Variants in MTFMT observed in about 807,000 individuals in gnomAD.
The protein encoded by MTFMT is methionyl-tRNA formyltransferase, mitochondrial.
Under a neutral mutation model 51.8 loss-of-function variants are expected in MTFMT, and 47 were observed. That is an observed-to-expected ratio of 0.91 (90% confidence interval 0.72 to 1.16). The LOEUF is 1.16. MTFMT is among the 50% of genes most tolerant of loss of function. The pLI, the probability that MTFMT is intolerant of heterozygous loss-of-function variation, is 0.00. For missense variants in MTFMT, 512 were observed against 482.3 expected (o/e 1.06, Z -0.58); for synonymous variants, 196 against 176.7 (o/e 1.11, Z -0.87).
chr15:65,007,584 G>A (rs2086229036), intron 6 of MTFMT, among the ~76,000 whole-genome samples: 1 of 152,028 alleles, frequency 6.6e-6, no homozygotes, highest in South Asian at 2.1e-4. Context: ...GGGGTTTTTT[G>A]TTTTTAAAGT....
rs2086181586 is a variant in MTFMT at position 65,002,170 on chromosome 15, GGGTGGATCACGAGGTCA to G, written c.*875_*891del. ...TCCCAGCACTTTGGGAGGCCAAGGCGGGTGGATCACGAGGTCAGGAGATCAAGACCATCCTGGCTAAC... is the reference window on the plus strand; with the variant it reads ...TCCCAGCACTTTGGGAGGCCAAGGCGGGAGATCAAGACCATCCTGGCTAAC... On this transcript the variant is annotated 3_prime_UTR_variant, in exon 9 of 9. Transcript: ENST00000220058. 1 of 151,972 alleles carries G rather than the reference GGGTGGATCACGAGGTCA, an allele frequency of 6.6e-6. No homozygotes were observed. The highest frequency in any genetic ancestry group is 2.4e-5 in the African/African-American group (1 of 41,374). The allele number at this position is 151,972 out of a possible 1,614,324, so 9.4% of individuals were successfully genotyped here. A position where few individuals can be genotyped will look rare whatever the true frequency, so the allele number is the denominator to read the frequency against.
At position 65,016,463 on chromosome 15, in the gene MTFMT, G is replaced by A. The variant is rs764304372; in HGVS notation, c.786C>T (p.Phe262=). The change falls in exon 6 of 9, where the codon TTC becomes TTT. Residue 262 remains phenylalanine, a synonymous_variant. Coordinates refer to ENST00000220058, the MANE Select transcript of MTFMT (RefSeq NM_139242.4). The part of the protein sequence containing the change: ...KWEEQTSEQI[F]RLYRAIGNII... ...TATTTCCAATGGCACGGTAAAGTCTGAATATTTGTTCTGAAGTTTGTTCCT... is the reference window on the plus strand; with the variant it reads ...TATTTCCAATGGCACGGTAAAGTCTAAATATTTGTTCTGAAGTTTGTTCCT... 6.2e-7 allele frequency: 1 copy of A among 1,611,564 alleles called. No homozygotes were observed. The highest frequency in any genetic ancestry group is 2.2e-5 in the East Asian group (1 of 44,726).
intron 6 of MTFMT, among the ~76,000 whole-genome samples, chr15:65,008,303 T>C (rs1255233275): frequency 6.6e-6 from 1 of 152,204 alleles, no homozygotes; most frequent in Non-Finnish European, 1.5e-5. Flanking sequence ...AGATAATCCA[T>C]CTTACCCTTC....
At chr15:65,014,400 C>G (rs899580189) in intron 6 of MTFMT, among the ~76,000 whole-genome samples, 12 of 146,590 alleles carry the variant, frequency 8.2e-5, no homozygotes, top group Admixed American at 2.1e-4. Flanking sequence ...CTCGGCTCAT[C>G]ATAACCTCCA....
chr15:65,026,363 TCGA>T (rs1192148203), intron 2 of MTFMT: 7 of 212,948 alleles, frequency 3.3e-5, no homozygotes, highest in Non-Finnish European at 7.1e-5. Context: ...AAATTTTCCT[TCGA>T]ATACAGGTGA....
intron 6 of MTFMT, among the ~76,000 whole-genome samples, chr15:65,008,714 T>G (rs2086238866): frequency 6.6e-6 from 1 of 152,258 alleles, no homozygotes; most frequent in Non-Finnish European, 1.5e-5. Context: ...CATAACTGTA[T>G]CTATGTCATA....
chr15:65,028,908 G>A (rs138756353), intron 1 of MTFMT, among the ~76,000 whole-genome samples: 1 of 152,120 alleles, frequency 6.6e-6, no homozygotes, highest in African/African-American at 2.4e-5. Context: ...TGTATACAAG[G>A]AGCACAGGGG....
At chr15:65,023,920 TCTAAGTC>T (rs2086397642) in intron 2 of MTFMT, 126 bp from the exon 3 acceptor site, 1 of 819,694 alleles carries the variant, frequency 1.2e-6, no homozygotes, top group African/African-American at 1.7e-5. Context: ...GACAGTTAAA[TCTAAGTC>T]TCGTATCACC....
At chr15:65,022,295 T>G (rs2086380425) in intron 3 of MTFMT, among the ~76,000 whole-genome samples, 1 of 151,868 alleles carries the variant, frequency 6.6e-6, no homozygotes, top group South Asian at 2.1e-4. Context: ...CTACTAAAAA[T>G]ACAAAAAATT....
chr15:65,008,794 T>C (rs902824135), intron 6 of MTFMT, among the ~76,000 whole-genome samples: 11 of 152,232 alleles, frequency 7.2e-5, no homozygotes, highest in Non-Finnish European at 8.8e-5. Context: ...ACGATTTTCA[T>C]ATGTGCAATT....
chr15:65,022,023 G>A (rs1039827092), intron 3 of MTFMT, among the ~76,000 whole-genome samples: 24 of 152,120 alleles, frequency 1.6e-4, no homozygotes, highest in African/African-American at 5.3e-4. Flanking sequence ...ATTAGTAATA[G>A]CATGAAAAAA....
chr15:65,019,407 A>C (rs2086351612), intron 5 of MTFMT, among the ~76,000 whole-genome samples: 1 of 152,204 alleles, frequency 6.6e-6, no homozygotes. Context: ...ATTAAAAACA[A>C]ACTGAAACAA....
chr15:65,020,189 T>C lies in MTFMT; in HGVS notation c.721+8A>G, dbSNP rs1681013144. 3.1e-6 allele frequency: 5 copies of C among 1,610,464 alleles called. No homozygotes were observed. Among genetic ancestry groups the C allele is most frequent in the Non-Finnish European group, 4.2e-6 (5 of 1,178,702 alleles). ...AGAAAGATGAGAGTCTCTGCAGCCT[T>C]CACTCACCGTAAGTCGCCCCCTCCA... On this transcript the variant is annotated splice_region_variant and intron_variant, in intron 5 of 8. Transcript: ENST00000220058.
rs753203248 is a variant in MTFMT at position 65,016,477 on chromosome 15, A to T, written c.772T>A (p.Ser258Thr). The change falls in exon 6 of 9, where the codon TCA (serine) becomes ACA (threonine). Residue 258 changes from serine to threonine, a missense_variant. Coordinates refer to ENST00000220058, the MANE Select transcript of MTFMT (RefSeq NM_139242.4). Reference protein sequence around the residue: ...TSCIKWEEQTSEQIFRLYRAI... With the variant: ...TSCIKWEEQTTEQIFRLYRAI... ...CGGTAAAGTCTGAATATTTGTTCTG[A>T]AGTTTGTTCCTCCCATTTTATACAA... 1.1e-5 allele frequency: 18 copies of T among 1,612,558 alleles called. No homozygotes were observed. Among genetic ancestry groups the T allele is most frequent in the Non-Finnish European group, 1.5e-5 (18 of 1,179,058 alleles).
At chr15:65,006,285 T>C (rs954820256) in intron 6 of MTFMT, 94 bp from the exon 7 acceptor site, 37 of 928,860 alleles carry the variant, frequency 4.0e-5, no homozygotes, top group Non-Finnish European at 6.1e-5. Flanking sequence ...GACTTTTCTT[T>C]CAATTAGAGG....
At chr15:65,025,230 TAA>T (rs776662139) in intron 2 of MTFMT, among the ~76,000 whole-genome samples, 18 of 92,494 alleles carry the variant, frequency 1.9e-4, no homozygotes, top group Admixed American at 3.7e-4. Context: ...TCCCTGTCTC[TAA>T]AAAAAAAAAA....
intron 6 of MTFMT, among the ~76,000 whole-genome samples, chr15:65,013,433 G>A (rs911080428): frequency 6.6e-6 from 1 of 152,052 alleles, no homozygotes; most frequent in Non-Finnish European, 1.5e-5. Flanking sequence ...TAAGTATGAT[G>A]TTAGTTACAG....
chr15:65,013,040 G>C (rs994238971), intron 6 of MTFMT, among the ~76,000 whole-genome samples: 1 of 151,722 alleles, frequency 6.6e-6, no homozygotes, highest in Admixed American at 6.6e-5. Flanking sequence ...AGCTCTAATA[G>C]TTTTTTTTGG....
intron 5 of MTFMT, 26 bp from the exon 6 acceptor site, chr15:65,016,553 A>G: frequency 6.7e-7 from 1 of 1,487,360 alleles, no homozygotes; most frequent in Non-Finnish European, 9.4e-7. Context: ...AAGAGCAAAA[A>G]TGAACATCAG....
Sources: gnomAD v4.1 joint callset for allele counts (sites outside exome capture counted in the v4.1 genomes callset) on GRCh38, gnomAD v4.1.1 for gene constraint, MANE v1.5 for transcripts, NCBI Gene and HGNC (gene_info 2026-07-23, HGNC 2026-07-21) for gene names.